The following INPP5K variants were observed in gnomAD, a reference collection of about 807,000 sequenced individuals.
The protein encoded by INPP5K is inositol polyphosphate 5-phosphatase K.
INPP5K carries 35 observed loss-of-function variants against 53.5 expected under a neutral mutation model. That is an observed-to-expected ratio of 0.65 (90% CI 0.50 to 0.87). The LOEUF (loss-of-function observed/expected upper bound fraction) is 0.87. INPP5K is among the 40% of genes least tolerant of loss of function. INPP5K has a pLI of 0.00. For synonymous variants in INPP5K, 253 were observed against 232.8 expected (o/e 1.09, Z -0.79); for missense variants, 550 against 586.2 (o/e 0.94, Z 0.64).
intron 8 of INPP5K, 68 bp from the exon 9 acceptor site, chr17:1,496,871 C>T: frequency 6.5e-7 from 1 of 1,535,786 alleles, no homozygotes; most frequent in Non-Finnish European, 8.9e-7. Context: ...CCAAGTGTTC[C>T]TCACTGTGCC....
intron 3 of INPP5K, among the ~76,000 whole-genome samples, chr17:1,513,202 C>G (rs2075348624): frequency 6.6e-6 from 1 of 152,258 alleles, no homozygotes; most frequent in South Asian, 2.1e-4. Context: ...GCTGCACCTC[C>G]CCTCAGAATC....
chr17:1,496,567 A>C, intron 9 of INPP5K, 99 bp downstream of exon 9: 2 of 1,497,982 alleles, frequency 1.3e-6, no homozygotes, highest in Admixed American at 1.7e-5. Flanking sequence ...GGGGTGGATG[A>C]GGGTGAGTTC....
At chr17:1,503,496 T>TA (rs1186149238) in intron 7 of INPP5K, among the ~76,000 whole-genome samples, 9 of 152,028 alleles carry the variant, frequency 5.9e-5, no homozygotes, top group African/African-American at 9.7e-5. Context: ...CCAGGCCTTT[T>TA]AAAAAAATTT....
intron 7 of INPP5K, among the ~76,000 whole-genome samples, chr17:1,505,333 C>T (rs2075129168): frequency 6.6e-6 from 1 of 152,118 alleles, no homozygotes; most frequent in Admixed American, 6.5e-5. Flanking sequence ...ACTATGTTGC[C>T]CAGGCAGGTC....
chr17:1,503,333 G>A (rs147710889), intron 7 of INPP5K, among the ~76,000 whole-genome samples: 1,697 of 151,748 alleles, frequency 0.011, 34 homozygotes, highest in African/African-American at 0.038. Context: ...ACAGGTGCCC[G>A]CCACCATGCC....
rs2150978646 is a variant in INPP5K at position 1,498,040 on chromosome 17, T to C, written c.859A>G (p.Ile287Val). ...RQPCAGPDTP[I>V]PPASHFSLSL... ...AAGGAGAAGTGTGACGCCGGCGGTA[T>C]GGGAGTGTCGGGGCCAGCACAGGGC... Residue 287 changes from isoleucine (I) to valine (V), a missense_variant, in exon 8 of 12, where the codon ATA becomes GTA. Coordinates refer to ENST00000421807, the MANE Select transcript of INPP5K (RefSeq NM_016532.4). The C allele has an allele frequency of 1.2e-6, 2 of 1,614,088 alleles. No homozygotes were observed. Among genetic ancestry groups the C allele is most frequent in the South Asian group, 2.2e-5 (2 of 91,072 alleles).
chr17:1,509,613 T>G (rs2075258710), intron 4 of INPP5K, 70 bp downstream of exon 4: 7 of 1,094,858 alleles, frequency 6.4e-6, no homozygotes, highest in Non-Finnish European at 9.9e-6. Context: ...TCACTTCCTT[T>G]TTCTTTTGCC....
chr17:1,516,337 G>C (rs2075436872), intron 1 of INPP5K, 119 bp downstream of exon 1: 1 of 1,162,010 alleles, frequency 8.6e-7, no homozygotes, highest in Admixed American at 2.4e-5. Context: ...GAGAAGGCGA[G>C]AGCGCCTCTG....
At chr17:1,502,394 G>A (rs974820003) in intron 7 of INPP5K, among the ~76,000 whole-genome samples, 3 of 152,138 alleles carry the variant, frequency 2.0e-5, no homozygotes, top group South Asian at 2.1e-4. Flanking sequence ...ACAAATGCAC[G>A]TTCTCTCTTT....
chr17:1,503,639 G>T lies in INPP5K; in HGVS notation c.776+3341C>A, dbSNP rs1024531320. Among the ~76,000 whole-genome samples the T allele has an allele frequency of 3.3e-5, 5 of 151,980 alleles. No homozygotes were observed. In the East Asian group the frequency reaches 7.8e-4, roughly 24 times the overall value. On this transcript the variant is annotated intron_variant, in intron 7 of 11. Transcript: ENST00000421807. Reference sequence around the variant, plus strand: ...GCTGAGGCAGGCGAGAATCACTTGAGCCCAGGAGGCGGACGTTGCAGTGAG... The same window carrying T: ...GCTGAGGCAGGCGAGAATCACTTGATCCCAGGAGGCGGACGTTGCAGTGAG...
intron 7 of INPP5K, 150 bp downstream of exon 7, chr17:1,506,830 A>C: frequency 1.7e-6 from 1 of 580,218 alleles, no homozygotes; most frequent in Non-Finnish European, 3.1e-6. Flanking sequence ...TCAGCGCCTC[A>C]TGAAGTGGAC....
intron 7 of INPP5K, among the ~76,000 whole-genome samples, chr17:1,503,006 C>T (rs181652031): frequency 6.6e-6 from 1 of 152,106 alleles, no homozygotes; most frequent in Non-Finnish European, 1.5e-5. Context: ...GCTCCCACCC[C>T]AGTCTCCTGA....
chr17:1,516,079 G>C (rs1020336781), intron 1 of INPP5K: 10 of 1,118,170 alleles, frequency 8.9e-6, no homozygotes, highest in Non-Finnish European at 1.1e-5. Context: ...CGGATTCCCG[G>C]GGTTCACCAT....
At chr17:1,507,327 C>T in intron 6 of INPP5K, 1 of 532,638 alleles carries the variant, frequency 1.9e-6, no homozygotes, top group Non-Finnish European at 3.3e-6. Context: ...GTTTCCCAGT[C>T]CTTAGACTGC....
At position 1,495,686 on chromosome 17, in the gene INPP5K, C is replaced by T. The variant is rs561248151; in HGVS notation, c.*137G>A. 164 of 641,888 alleles carry T rather than the reference C, an allele frequency of 2.6e-4. No individual in the cohort carries two copies. The highest frequency in any genetic ancestry group is 4.0e-4 in the Admixed American group (14 of 34,812). The allele number at this position is 641,888 out of a possible 1,614,324, so 39.8% of individuals were successfully genotyped here. A position where few individuals can be genotyped will look rare whatever the true frequency, so the allele number is the denominator to read the frequency against. On this transcript the variant is annotated 3_prime_UTR_variant, in exon 12 of 12. Coordinates refer to ENST00000421807, the MANE Select transcript of INPP5K (RefSeq NM_016532.4). ...AGAGCAAATGAGCCTGGTTAGAGCT[C>T]ACTCTGGGAGGAGTATGTGGACGAC...
In INPP5K at chr17:1,498,223, C is replaced by T; in HGVS notation, c.777-101G>A. On this transcript the variant is annotated intron_variant, in intron 7 of 11. Coordinates refer to ENST00000421807, the MANE Select transcript of INPP5K (RefSeq NM_016532.4). ...ATGAGCTTGCTGGAGCCCCTAACTC[C>T]AGCAACTACTGGCAGCCACAGACCC... 5.8e-6 allele frequency: 6 copies of T among 1,028,476 alleles called. No homozygotes were observed. The East Asian group carries it at 1.2e-4, about 21-fold the overall frequency. The allele number at this position is 1,028,476 out of a possible 1,614,324, so 63.7% of individuals were successfully genotyped here. A position where few individuals can be genotyped will look rare whatever the true frequency, so the allele number is the denominator to read the frequency against.
chr17:1,515,678 G>T, intron 1 of INPP5K: 1 of 866,254 alleles, frequency 1.2e-6, no homozygotes, highest in Non-Finnish European at 1.4e-6. Flanking sequence ...AGAGGTCGAC[G>T]TTCTCAAAAG....
intron 3 of INPP5K, among the ~76,000 whole-genome samples, chr17:1,512,540 C>T (rs562162376): frequency 6.6e-6 from 1 of 152,276 alleles, no homozygotes; most frequent in African/African-American, 2.4e-5. Flanking sequence ...CAAGAGTCAT[C>T]CAGGAAGGGG....
chr17:1,502,331 A>G (rs1439117799), intron 7 of INPP5K, among the ~76,000 whole-genome samples: 1 of 152,204 alleles, frequency 6.6e-6, no homozygotes, highest in Non-Finnish European at 1.5e-5. Flanking sequence ...CCTGGGCGAC[A>G]GAGCGAGACT....
Sources: gnomAD v4.1 joint callset for allele counts (sites outside exome capture counted in the v4.1 genomes callset) on GRCh38, gnomAD v4.1.1 for gene constraint, MANE v1.5 for transcripts, NCBI Gene and HGNC (gene_info 2026-07-23, HGNC 2026-07-21) for gene names.